LRP1B: variants seen among roughly 807,000 people sequenced by gnomAD.
The protein encoded by LRP1B is LDL receptor related protein 1B.
A neutral mutation model predicts 556.6 loss-of-function variants in LRP1B; 217 were observed. The ratio of observed to expected loss-of-function variants is 0.39; its 90% CI spans 0.35 to 0.44. The LOEUF is 0.44. Among genes scored for constraint, LRP1B ranks in the 20% least tolerant of loss-of-function variants. LRP1B has a pLI of 1.00. For synonymous variants in LRP1B, 2,047 were observed against 1,865.8 expected (o/e 1.10, Z -2.50); for missense variants, 5,053 against 5,620.8 (o/e 0.90, Z 3.23).
chr2:141,061,987 A>T, intron 8 of LRP1B, 64 bp downstream of exon 8: 1 of 1,367,430 alleles, frequency 7.3e-7, no homozygotes. Flanking sequence ...CAGTATTGCA[A>T]ATTTTGGTAT....
intron 18 of LRP1B, among the ~76,000 whole-genome samples, chr2:140,965,081 ACAGGT>A (rs1210453618): frequency 6.6e-6 from 1 of 152,218 alleles, no homozygotes; most frequent in Admixed American, 6.5e-5. Context: ...AATCACGTGA[ACAGGT>A]TTTAAAAATT....
At chr2:140,858,649 A>G (rs1178379985) in intron 27 of LRP1B, among the ~76,000 whole-genome samples, 2 of 152,028 alleles carry the variant, frequency 1.3e-5, no homozygotes, top group Non-Finnish European at 2.9e-5. Context: ...AACATGTGCC[A>G]TGGTGGTTTG....
chr2:141,417,409 A>G (rs546636785), intron 3 of LRP1B, among the ~76,000 whole-genome samples: 1 of 152,236 alleles, frequency 6.6e-6, no homozygotes, highest in South Asian at 2.1e-4. Flanking sequence ...ATCCCCTGGC[A>G]ACCACCTTTC....
At chr2:140,252,390 A>G (rs958251849) in intron 86 of LRP1B, among the ~76,000 whole-genome samples, 1 of 151,962 alleles carries the variant, frequency 6.6e-6, no homozygotes, top group Non-Finnish European at 1.5e-5. Context: ...TCATATAAAA[A>G]TGTACTCATA....
intron 3 of LRP1B, among the ~76,000 whole-genome samples, chr2:141,330,823 G>T (rs548761227): frequency 6.7e-6 from 1 of 149,204 alleles, no homozygotes; most frequent in Admixed American, 6.7e-5. Context: ...TGCCATCTCG[G>T]CTCACTGCAA....
At chr2:140,889,732 A>G (rs1002694343) in intron 23 of LRP1B, among the ~76,000 whole-genome samples, 2 of 152,214 alleles carry the variant, frequency 1.3e-5, no homozygotes, top group African/African-American at 4.8e-5. Context: ...CCAAAGTCAC[A>G]CAGCTCGTAA....
chr2:140,476,029 G>A (rs967236182), intron 59 of LRP1B, among the ~76,000 whole-genome samples: 3 of 151,740 alleles, frequency 2.0e-5, no homozygotes, highest in Admixed American at 2.0e-4. Flanking sequence ...TTCCAAAAGT[G>A]GGGAAAAAAC....
chr2:142,041,952 T>G (rs1704080841), intron 1 of LRP1B, among the ~76,000 whole-genome samples: 1 of 151,534 alleles, frequency 6.6e-6, no homozygotes, highest in South Asian at 2.1e-4. Flanking sequence ...ACACTGTGCC[T>G]TGTTGTAGGG....
intron 3 of LRP1B, among the ~76,000 whole-genome samples, chr2:141,473,288 C>T (rs1573987009): frequency 6.6e-6 from 1 of 152,076 alleles, no homozygotes. Flanking sequence ...CACACATATA[C>T]ACATATATAT....
chr2:141,299,284 G>T (rs2105426170), intron 3 of LRP1B, among the ~76,000 whole-genome samples: 1 of 152,170 alleles, frequency 6.6e-6, no homozygotes, highest in African/African-American at 2.4e-5. Flanking sequence ...TAACCTCTCA[G>T]GTTTCAATTT....
intron 14 of LRP1B, among the ~76,000 whole-genome samples, chr2:141,006,152 G>A (rs537198407): frequency 6.6e-6 from 1 of 151,886 alleles, no homozygotes; most frequent in African/African-American, 2.4e-5. Context: ...AGATAAAATC[G>A]AGTAATTATT....
At chr2:140,562,909 C>A (rs1000227141) in intron 43 of LRP1B, among the ~76,000 whole-genome samples, 2 of 151,924 alleles carry the variant, frequency 1.3e-5, no homozygotes, top group African/African-American at 4.8e-5. Flanking sequence ...AGCCACCATG[C>A]CCCAGCTGAG....
At position 141,606,609 on chromosome 2, in the gene LRP1B, A is replaced by G. The variant is rs1687925653; in HGVS notation, c.206-126076T>C. Among the ~76,000 whole-genome samples the G allele has an allele frequency of 3.9e-5, 6 of 152,320 alleles. No individual in the cohort carries two copies. The South Asian group carries it at 1.2e-3, about 32-fold the overall frequency. On this transcript the variant is annotated intron_variant, in intron 2 of 90. Coordinates refer to ENST00000389484, the MANE Select transcript of LRP1B (RefSeq NM_018557.3). ...GGCCTTTAGCATGGGCCTTAATACA[A>G]TCTGACTGGTGTCCTTATAAGAAAA...
At chr2:141,463,404 T>A (rs909357209) in intron 3 of LRP1B, among the ~76,000 whole-genome samples, 7 of 150,438 alleles carry the variant, frequency 4.7e-5, no homozygotes, top group African/African-American at 1.7e-4. Flanking sequence ...AAAAAGCTAT[T>A]GAAGAAAAAG....
intron 77 of LRP1B, among the ~76,000 whole-genome samples, chr2:140,350,068 T>G (rs1040348412): frequency 3.3e-5 from 5 of 152,102 alleles, no homozygotes; most frequent in Non-Finnish European, 7.4e-5. Context: ...ACCACTTGAC[T>G]TTTTGGTTGT....
At chr2:140,237,993 G>T (rs1299279189) in intron 89 of LRP1B, among the ~76,000 whole-genome samples, 159 bp downstream of exon 89, 1 of 150,744 alleles carries the variant, frequency 6.6e-6, no homozygotes, top group African/African-American at 2.4e-5. Flanking sequence ...GTCCATAATT[G>T]TACTTTCTCT....
chr2:141,038,321 C>A (rs1698597477), intron 11 of LRP1B, among the ~76,000 whole-genome samples: 1 of 151,990 alleles, frequency 6.6e-6, no homozygotes, highest in African/African-American at 2.4e-5. Flanking sequence ...ATATGGTGGA[C>A]TATGCATTCT....
At chr2:140,296,388 A>T (rs552476122) in intron 84 of LRP1B, among the ~76,000 whole-genome samples, 12 of 152,328 alleles carry the variant, frequency 7.9e-5, no homozygotes, top group African/African-American at 2.4e-4. Flanking sequence ...TATTTCAGAT[A>T]AGGGATATCC....
At chr2:141,417,056 G>A (rs28671124) in intron 3 of LRP1B, among the ~76,000 whole-genome samples, 5,424 of 151,648 alleles carry the variant, frequency 0.036, 299 homozygotes, top group African/African-American at 0.12. Context: ...CTATTTTTTC[G>A]TTCTCAAATA....
Sources: allele counts gnomAD v4.1 joint callset (sites outside exome capture counted in the v4.1 genomes callset), GRCh38; gene constraint gnomAD v4.1.1; transcripts MANE v1.5; gene names NCBI Gene and HGNC (gene_info 2026-07-23, HGNC 2026-07-21).